The following ULK4 variants were observed in gnomAD, a reference collection of about 807,000 sequenced individuals.
ULK4 encodes the protein unc-51 like kinase 4, also known as inactive serine/threonine-protein kinase ULK4.
ULK4 carries 133 observed loss-of-function variants against 160.6 expected under a neutral mutation model. That is an observed-to-expected ratio of 0.83 (90% CI 0.72 to 0.96). The LOEUF (loss-of-function observed/expected upper bound fraction) is 0.96, where lower values mean the gene tolerates loss of function less well. Ranked by LOEUF, ULK4 falls within the 40% of genes least tolerant of loss-of-function variation. ULK4 has a pLI of 0.00. For synonymous variants in ULK4, 534 were observed against 539.8 expected, an observed-to-expected ratio of 0.99 and a Z score of 0.15; for missense variants, 1,580 against 1,499.5, an observed-to-expected ratio of 1.05 and a Z score of -0.89.
At chr3:41,283,795 G>A (rs183222084) in intron 35 of ULK4, among the ~76,000 whole-genome samples, 58 of 149,664 alleles carry the variant, frequency 3.9e-4, no homozygotes, top group South Asian at 1.1e-3. Flanking sequence ...CAAACAAACA[G>A]ACAAAAAAAA....
Position 41,861,451 on chromosome 3 carries a change from T to C in ULK4, c.1656+22423A>G, listed in dbSNP as rs373213532. Among the ~76,000 whole-genome samples, 7 of 152,246 alleles carry C rather than the reference T, an allele frequency of 4.6e-5. No homozygotes were observed. The South Asian group carries it at 1.0e-3, about 23-fold the overall frequency. On this transcript the variant is annotated intron_variant, in intron 17 of 36. Coordinates refer to ENST00000301831, the MANE Select transcript of ULK4 (RefSeq NM_017886.4). ...GATAAAAGTTATTTTCCTTCAGTACTTTAAATATGACATGTCACTCCCTCC... is the reference window on the plus strand; with the variant it reads ...GATAAAAGTTATTTTCCTTCAGTACCTTAAATATGACATGTCACTCCCTCC...
At chr3:41,445,449 C>G (rs545830504) in intron 34 of ULK4, among the ~76,000 whole-genome samples, 6 of 152,300 alleles carry the variant, frequency 3.9e-5, no homozygotes, top group South Asian at 4.1e-4. Flanking sequence ...AAGCTGGAGG[C>G]ATCATGCTAC....
chr3:41,466,668 A>G (rs1420823063), intron 32 of ULK4, among the ~76,000 whole-genome samples: 1 of 152,190 alleles, frequency 6.6e-6, no homozygotes, highest in Non-Finnish European at 1.5e-5. Flanking sequence ...TTCATTAAAA[A>G]GTAAAGCTTT....
chr3:41,701,115 T>C (rs2036659240), intron 27 of ULK4, among the ~76,000 whole-genome samples: 2 of 152,130 alleles, frequency 1.3e-5, no homozygotes, highest in Non-Finnish European at 2.9e-5. Flanking sequence ...TTAATGTATA[T>C]GTGATCTGAT....
chr3:41,294,643 T>G (rs2079634758), intron 35 of ULK4, among the ~76,000 whole-genome samples: 1 of 152,178 alleles, frequency 6.6e-6, no homozygotes, highest in African/African-American at 2.4e-5. Context: ...CCAAACACAC[T>G]GAACCAAAAC....
chr3:41,830,380 T>C (rs978333246), intron 18 of ULK4, among the ~76,000 whole-genome samples: 2 of 152,056 alleles, frequency 1.3e-5, no homozygotes, highest in Non-Finnish European at 2.9e-5. Context: ...TGATTCTATC[T>C]GCATAAGATT....
At chr3:41,746,646 T>C (rs757233909) in intron 22 of ULK4, among the ~76,000 whole-genome samples, 16 of 151,816 alleles carry the variant, frequency 1.1e-4, no homozygotes, top group Admixed American at 3.3e-4. Flanking sequence ...CCAAAGCTTA[T>C]ATGGAAAAGC....
chr3:41,932,004 T>TTC lies in ULK4; in HGVS notation c.380_381insGA (p.Ile127MetfsTer10). 6.2e-7 allele frequency: 1 copy of TTC among 1,612,236 alleles called. No individual in the cohort carries two copies. Among genetic ancestry groups the TTC allele is most frequent in the Non-Finnish European group, 8.5e-7 (1 of 1,179,044 alleles). ...TCAGTGTGCCAGGCCCTTCCAAGAG[T>TTC]ATCTATGAAGATCAAATAAATGTTT... On this transcript the variant is annotated frameshift_variant and splice_region_variant, in exon 5 of 37. Transcript: ENST00000301831. LOFTEE classifies it high-confidence loss of function.
At chr3:41,316,811 CTTT>C (rs972522315) in intron 35 of ULK4, among the ~76,000 whole-genome samples, 7 of 152,112 alleles carry the variant, frequency 4.6e-5, no homozygotes, top group Non-Finnish European at 1.0e-4. Context: ...AAGGCAGCGC[CTTT>C]TTTAGTTGGT....
intron 34 of ULK4, among the ~76,000 whole-genome samples, chr3:41,413,290 A>C (rs2082448882): frequency 6.6e-6 from 1 of 152,166 alleles, no homozygotes. Flanking sequence ...ATTCAAGATG[A>C]GATTTGGGTG....
At chr3:41,898,311 T>C (rs945597380) in intron 14 of ULK4, 121 bp downstream of exon 14, 164 of 629,330 alleles carry the variant, frequency 2.6e-4, no homozygotes, top group South Asian at 1.7e-4. Flanking sequence ...CCCAAGAATA[T>C]AGCCAATTGT....
intron 35 of ULK4, among the ~76,000 whole-genome samples, chr3:41,314,427 C>T (rs1381751457): frequency 6.6e-6 from 1 of 152,112 alleles, no homozygotes; most frequent in African/African-American, 2.4e-5. Context: ...GTTTAGCTCC[C>T]ACTTATGAGT....
rs188596811 is a variant in ULK4 at position 41,697,608 on chromosome 3, T to G, written c.2781+7449A>C. 1.6e-4 allele frequency among the ~76,000 whole-genome samples: 24 copies of G among 152,130 alleles called. No individual in the cohort carries two copies. The East Asian group carries it at 2.9e-3, about 18-fold the overall frequency. ...TAATACTGAAGAAAGAAAAATACAT[T>G]TTTTTTCTACAGGCATGCATCACCA... On this transcript the variant is annotated intron_variant, in intron 27 of 36. Coordinates refer to ENST00000301831, the MANE Select transcript of ULK4 (RefSeq NM_017886.4).
intron 35 of ULK4, among the ~76,000 whole-genome samples, chr3:41,376,875 T>C (rs2081511418): frequency 6.7e-6 from 1 of 149,742 alleles, no homozygotes; most frequent in South Asian, 2.2e-4. Flanking sequence ...AAAAAACTAC[T>C]TTCAAGTTCA....
chr3:41,642,304 G>C (rs188624397), intron 30 of ULK4, among the ~76,000 whole-genome samples: 1 of 151,904 alleles, frequency 6.6e-6, no homozygotes, highest in African/African-American at 2.4e-5. Context: ...TCGTCATTTA[G>C]CATTAGGTAT....
At chr3:41,341,347 T>C (rs985635156) in intron 35 of ULK4, among the ~76,000 whole-genome samples, 3 of 152,210 alleles carry the variant, frequency 2.0e-5, no homozygotes, top group African/African-American at 7.2e-5. Flanking sequence ...GGCTTGACCA[T>C]GTGACTTTTT....
chr3:41,267,587 T>C (rs1451093649), intron 35 of ULK4, among the ~76,000 whole-genome samples: 1 of 152,132 alleles, frequency 6.6e-6, no homozygotes, highest in African/African-American at 2.4e-5. Flanking sequence ...AAAACTTATC[T>C]TGGACACACT....
chr3:41,744,499 T>A (rs749820426), intron 22 of ULK4, among the ~76,000 whole-genome samples: 4 of 151,786 alleles, frequency 2.6e-5, no homozygotes, highest in Non-Finnish European at 4.4e-5. Flanking sequence ...TAAGAAAACA[T>A]AATACCCTAA....
At chr3:41,907,717 A>G (rs1698621598) in intron 12 of ULK4, 128 bp downstream of exon 12, 2 of 522,756 alleles carry the variant, frequency 3.8e-6, no homozygotes, top group Non-Finnish European at 3.1e-6. Context: ...AGAAAAACCT[A>G]TAATGATCAG....
Sources: allele counts gnomAD v4.1 joint callset (sites outside exome capture counted in the v4.1 genomes callset), GRCh38; gene constraint gnomAD v4.1.1; transcripts MANE v1.5; gene names NCBI Gene and HGNC (gene_info 2026-07-23, HGNC 2026-07-21).